Variants in PLXNC1 observed in about 807,000 individuals in gnomAD.
PLXNC1 encodes the protein plexin C1, also known as plexin-C1.
In PLXNC1, 75 loss-of-function variants were observed where a neutral mutation model predicts 178.2. That is an observed-to-expected ratio of 0.42 (90% CI 0.35 to 0.51). The LOEUF (loss-of-function observed/expected upper bound fraction) is 0.51, where lower values mean the gene tolerates loss of function less well. PLXNC1 is among the 20% of genes least tolerant of loss of function. PLXNC1 has a pLI of 0.02. For missense variants in PLXNC1, 1,503 were observed against 1,984.4 expected, an observed-to-expected ratio of 0.76 and a Z score of 4.61; for synonymous variants, 790 against 779.9, an observed-to-expected ratio of 1.01 and a Z score of -0.22.
intron 21 of PLXNC1, among the ~76,000 whole-genome samples, chr12:94,265,464 A>G (rs1162387271): frequency 6.6e-6 from 1 of 152,232 alleles, no homozygotes; most frequent in Non-Finnish European, 1.5e-5. Context: ...ATCAATTTCC[A>G]AAGATTTTAA....
chr12:94,258,504 G>A (rs1964916052), intron 17 of PLXNC1, among the ~76,000 whole-genome samples: 1 of 152,178 alleles, frequency 6.6e-6, no homozygotes, highest in Non-Finnish European at 1.5e-5. Flanking sequence ...GTCTCATTCT[G>A]TGGACTTAAA....
intron 21 of PLXNC1, among the ~76,000 whole-genome samples, chr12:94,275,690 A>G (rs1441534138): frequency 7.8e-6 from 1 of 128,082 alleles, no homozygotes; most frequent in Non-Finnish European, 1.6e-5. Context: ...CGTCTCTACT[A>G]AAAAAATACA....
chr12:94,186,385 CGT>C lies in PLXNC1; in HGVS notation c.1354_1355del (p.Val452CysfsTer5). On this transcript the variant is annotated frameshift_variant, in exon 4 of 31. Transcript: ENST00000258526. LOFTEE classifies it high-confidence loss of function. ...TCTTTCCTTTTAGGTGAGGAGAATT[CGT>C]GTTGCAAACTGCAATAAACATAAAT... ...LTAGKEVRRI[R>X]VANCNKHKSC... is the part of the protein sequence containing the mutation. The C allele has an allele frequency of 6.2e-7, 1 of 1,610,904 alleles. No individual in the cohort carries two copies. Among genetic ancestry groups the C allele is most frequent in the Admixed American group, 1.7e-5 (1 of 60,012 alleles).
chr12:94,172,018 G>A (rs1180407571), intron 2 of PLXNC1, among the ~76,000 whole-genome samples: 4 of 152,180 alleles, frequency 2.6e-5, no homozygotes, highest in Non-Finnish European at 4.4e-5. Flanking sequence ...ACCCAGGATC[G>A]TGTGGATGAT....
chr12:94,181,449 A>G lies in PLXNC1; in HGVS notation c.1207A>G (p.Ile403Val), dbSNP rs1962302612. Reference protein sequence around the residue: ...GTGDGQLLKVILGENLTSNCP... With the variant: ...GTGDGQLLKVVLGENLTSNCP... ...TCTTTTTGAAAAAAAAAAATAGGTT[A>G]TTCTTGGTGAGAATTTGACTTCAAA... Residue 403 changes from isoleucine (I) to valine (V), a missense_variant, in exon 3 of 31, where the codon ATT becomes GTT. By Grantham distance (29) the Ile-to-Val change is conservative. Transcript: ENST00000258526. 6.5e-7 allele frequency: 1 copy of G among 1,535,820 alleles called. No individual in the cohort carries two copies. Among genetic ancestry groups the G allele is most frequent in the Non-Finnish European group, 8.9e-7 (1 of 1,127,486 alleles).
At chr12:94,162,755 T>A (rs1383886138) in intron 1 of PLXNC1, among the ~76,000 whole-genome samples, 1 of 152,160 alleles carries the variant, frequency 6.6e-6, no homozygotes, top group Non-Finnish European at 1.5e-5. Context: ...TTAGTGGTGC[T>A]GTTGACCATG....
At chr12:94,162,196 G>A (rs144067014) in intron 1 of PLXNC1, among the ~76,000 whole-genome samples, 4 of 152,306 alleles carry the variant, frequency 2.6e-5, no homozygotes, top group East Asian at 3.9e-4. Flanking sequence ...ATGTGTCCAC[G>A]AGTAGGTGAC....
chr12:94,305,283 T>C lies in PLXNC1; in HGVS notation c.4705T>C (p.Ter1569GlnextTer7). The change falls in exon 31 of 31, where the codon TAA (stop) becomes CAA (glutamine). Residue 1569 changes from the stop codon to glutamine, a stop_lost. Coordinates refer to ENST00000258526, the MANE Select transcript of PLXNC1 (RefSeq NM_005761.3). The stretch of plus-strand genomic sequence containing the variant: ...TGAAAAGAAGAAATGCAAGTGGATG[T>C]AAGCACTCTGGGGCCTGGCTTAATC... ...FDEKKKCKWM[*>Q] 1 of 1,596,522 alleles carries C rather than the reference T, an allele frequency of 6.3e-7. No individual in the cohort carries two copies. Among genetic ancestry groups the C allele is most frequent in the Non-Finnish European group, 8.6e-7 (1 of 1,165,982 alleles).
chr12:94,159,900 A>G (rs1045534623), intron 1 of PLXNC1, among the ~76,000 whole-genome samples: 11 of 152,112 alleles, frequency 7.2e-5, no homozygotes, highest in Admixed American at 7.2e-4. Context: ...CAATCATTCA[A>G]CTGAGGGACG....
Position 94,181,522 on chromosome 12 carries a change from A to G in PLXNC1, c.1280A>G (p.Tyr427Cys), listed in dbSNP as rs746221228. Residue 427 changes from tyrosine (Y) to cysteine (C), a missense_variant, in exon 3 of 31, where the codon TAC (tyrosine) becomes TGC (cysteine). Transcript: ENST00000258526. ...YEIKEETPVFYKLVPDPVKNI... is the reference protein window; with the variant it reads ...YEIKEETPVFCKLVPDPVKNI... ...ATTAAAGAAGAGACACCTGTTTTCT[A>G]CAAACTCGTTCCTGATCCTGTGAAG... The G allele has an allele frequency of 4.4e-6, 7 of 1,607,802 alleles. No homozygotes were observed. The East Asian group carries it at 6.7e-5, about 15-fold the overall frequency.
At chr12:94,279,751 TCAGTGACACTTACA>T in intron 22 of PLXNC1, 102 bp downstream of exon 22, 1 of 1,023,988 alleles carries the variant, frequency 9.8e-7, no homozygotes, top group Non-Finnish European at 1.5e-6. Flanking sequence ...CAGCTTCCAT[TCAGTGACACTTACA>T]CAGCCAGGTT....
Position 94,298,614 on chromosome 12 carries a change from ATGT to A in PLXNC1, c.4075-14_4075-12del. ...CACAGTTTTTAATCTCCCAAATCTGATGTTGTCTATCTTTCAGGTGGCAATTCA... is the reference window on the plus strand; with the variant it reads ...CACAGTTTTTAATCTCCCAAATCTGATGTCTATCTTTCAGGTGGCAATTCA... On this transcript the variant is annotated splice_polypyrimidine_tract_variant and intron_variant, in intron 26 of 30. Coordinates refer to ENST00000258526, the MANE Select transcript of PLXNC1 (RefSeq NM_005761.3). 1 of 1,568,998 alleles carries A rather than the reference ATGT, an allele frequency of 6.4e-7. No homozygotes were observed. The highest frequency in any genetic ancestry group is 1.4e-5 in the African/African-American group (1 of 72,446).
At chr12:94,218,318 G>A (rs923627696) in intron 5 of PLXNC1, among the ~76,000 whole-genome samples, 4 of 152,142 alleles carry the variant, frequency 2.6e-5, no homozygotes, top group African/African-American at 7.2e-5. Flanking sequence ...AGATAGGGGT[G>A]ACCTCCGGGG....
At chr12:94,205,675 A>C (rs1963277254) in intron 4 of PLXNC1, among the ~76,000 whole-genome samples, 1 of 152,212 alleles carries the variant, frequency 6.6e-6, no homozygotes, top group Admixed American at 6.5e-5. Context: ...GGAAAATTAG[A>C]GGCCTCTCAG....
chr12:94,305,118 C>CA (rs1404134265), intron 30 of PLXNC1, 63 bp from the exon 31 acceptor site: 5 of 1,021,978 alleles, frequency 4.9e-6, no homozygotes, highest in Admixed American at 2.1e-5. Flanking sequence ...ATCAGGTATG[C>CA]AAAAAACAGA....
intron 4 of PLXNC1, among the ~76,000 whole-genome samples, chr12:94,190,564 C>T (rs911254315): frequency 7.2e-5 from 11 of 152,130 alleles, no homozygotes; most frequent in African/African-American, 2.2e-4. Context: ...TGCTCTTGCT[C>T]CCTCACCCCT....
Position 94,224,217 on chromosome 12 carries a change from C to T in PLXNC1, c.1703-11C>T. ...TCCACCGTAAATGACATTTTCCCCC[C>T]TTCCCTCCAGATGTTTCAGTTGTCA... On this transcript the variant is annotated splice_polypyrimidine_tract_variant and intron_variant, in intron 6 of 30. Transcript: ENST00000258526. The T allele has an allele frequency of 6.6e-7, 1 of 1,526,508 alleles. No individual in the cohort carries two copies. Among genetic ancestry groups the T allele is most frequent in the Non-Finnish European group, 9.1e-7 (1 of 1,100,040 alleles). The allele number at this position is 1,526,508 out of a possible 1,614,324, so 94.6% of individuals were successfully genotyped here. A position where few individuals can be genotyped will look rare whatever the true frequency, so the allele number is the denominator to read the frequency against.
intron 2 of PLXNC1, among the ~76,000 whole-genome samples, chr12:94,180,151 G>A (rs918902171): frequency 4.6e-5 from 7 of 152,020 alleles, no homozygotes; most frequent in African/African-American, 1.7e-4. Flanking sequence ...ACAGTAAAAG[G>A]CAGGCTGTTT....
At chr12:94,189,026 A>G (rs1962625316) in intron 4 of PLXNC1, among the ~76,000 whole-genome samples, 1 of 152,202 alleles carries the variant, frequency 6.6e-6, no homozygotes, top group African/African-American at 2.4e-5. Context: ...AGAATAGGGA[A>G]ATATCGAGCG....
Sources: allele counts gnomAD v4.1 joint callset (sites outside exome capture counted in the v4.1 genomes callset), GRCh38; gene constraint gnomAD v4.1.1; transcripts MANE v1.5; gene names NCBI Gene and HGNC (gene_info 2026-07-23, HGNC 2026-07-21).